DLC1: variants seen among roughly 807,000 people sequenced by gnomAD.
DLC1 encodes rho GTPase-activating protein 7.
Under a neutral mutation model 140.3 loss-of-function variants are expected in DLC1, and 54 were observed. That is an observed-to-expected ratio of 0.38 (90% CI 0.31 to 0.48). The LOEUF (loss-of-function observed/expected upper bound fraction) is 0.48. DLC1 is among the 20% of genes least tolerant of loss of function. The pLI is 0.96. For synonymous variants in DLC1, 986 were observed against 728.1 expected, an observed-to-expected ratio of 1.35 and a Z score of -5.70; for missense variants, 2,536 against 1,907.0, an observed-to-expected ratio of 1.33 and a Z score of -6.14.
At chr8:13,175,469 G>C (rs1002263833) in intron 5 of DLC1, among the ~76,000 whole-genome samples, 1 of 152,046 alleles carries the variant, frequency 6.6e-6, no homozygotes, top group East Asian at 1.9e-4. Context: ...AAACATTGCA[G>C]ATAGATGTTT....
chr8:13,363,376 T>G (rs1046203480), intron 4 of DLC1, among the ~76,000 whole-genome samples: 3 of 151,414 alleles, frequency 2.0e-5, no homozygotes, highest in Admixed American at 6.6e-5. Flanking sequence ...GCAGTGTTTT[T>G]TTTTTTTTTT....
At chr8:13,181,384 C>T (rs551791831) in intron 5 of DLC1, among the ~76,000 whole-genome samples, 24 of 148,030 alleles carry the variant, frequency 1.6e-4, no homozygotes, top group African/African-American at 3.2e-4. Context: ...ATGTGCACAA[C>T]GTGTAGGTTT....
chr8:13,091,771 G>C (rs1199797009), intron 13 of DLC1, among the ~76,000 whole-genome samples: 1 of 152,132 alleles, frequency 6.6e-6, no homozygotes, highest in African/African-American at 2.4e-5. Flanking sequence ...GGAGTCCCAG[G>C]GAGTTGGAGT....
chr8:13,307,571 C>T (rs557720189), intron 4 of DLC1, among the ~76,000 whole-genome samples: 3 of 152,228 alleles, frequency 2.0e-5, no homozygotes, highest in South Asian at 2.1e-4. Context: ...AAAATACATT[C>T]GCTCTTTTGT....
intron 5 of DLC1, among the ~76,000 whole-genome samples, chr8:13,127,771 G>C (rs1821710915): frequency 6.6e-6 from 1 of 152,194 alleles, no homozygotes; most frequent in South Asian, 2.1e-4. Flanking sequence ...AGACTCCTGC[G>C]AGGAGAAGGA....
intron 2 of DLC1, among the ~76,000 whole-genome samples, chr8:13,467,990 A>G (rs930347008): frequency 2.6e-5 from 4 of 152,100 alleles, no homozygotes; most frequent in African/African-American, 7.2e-5. Context: ...TTTTGCACCT[A>G]TGTTTATGAC....
intron 4 of DLC1, among the ~76,000 whole-genome samples, chr8:13,382,623 C>A (rs146342733): frequency 2.6e-5 from 4 of 151,628 alleles, no homozygotes; most frequent in East Asian, 1.9e-4. Flanking sequence ...TTCTTCACAG[C>A]CTTTCTAGAC....
chr8:13,569,807 A>AC (rs1804584029), intron 1 of DLC1, among the ~76,000 whole-genome samples: 1 of 152,194 alleles, frequency 6.6e-6, no homozygotes, highest in Middle Eastern at 3.2e-3. Context: ...CTGCAGCCTC[A>AC]ACCTCTAGGA....
intron 2 of DLC1, among the ~76,000 whole-genome samples, chr8:13,440,851 G>A (rs960204111): frequency 6.6e-6 from 1 of 152,020 alleles, no homozygotes; most frequent in African/African-American, 2.4e-5. Context: ...TTTGCTTCCC[G>A]CCGTGATTCT....
At chr8:13,230,728 C>T (rs530578893) in intron 5 of DLC1, among the ~76,000 whole-genome samples, 1 of 151,696 alleles carries the variant, frequency 6.6e-6, no homozygotes, top group Admixed American at 6.6e-5. Context: ...TCTTGAGTAG[C>T]TGGGATTACA....
chr8:13,449,832 G>C (rs1188741938), intron 2 of DLC1, among the ~76,000 whole-genome samples: 1 of 151,998 alleles, frequency 6.6e-6, no homozygotes, highest in South Asian at 2.1e-4. Flanking sequence ...AAAAAATCCT[G>C]TGTTTCCATT....
At chr8:13,471,125 A>G (rs935883944) in intron 2 of DLC1, among the ~76,000 whole-genome samples, 1 of 151,012 alleles carries the variant, frequency 6.6e-6, no homozygotes, top group Non-Finnish European at 1.5e-5. Flanking sequence ...GGTGGCTAGA[A>G]TGGTAGTTGT....
intron 4 of DLC1, among the ~76,000 whole-genome samples, chr8:13,363,996 A>G (rs1036502471): frequency 3.3e-5 from 5 of 152,114 alleles, no homozygotes; most frequent in African/African-American, 1.2e-4. Context: ...TTTGTTTGTT[A>G]TAACTTGAGT....
intron 5 of DLC1, among the ~76,000 whole-genome samples, chr8:13,175,403 A>G (rs1291586831): frequency 1.3e-5 from 2 of 151,538 alleles, no homozygotes; most frequent in African/African-American, 2.4e-5. Context: ...GTGAAAAATG[A>G]CATTTGTAGT....
intron 4 of DLC1, among the ~76,000 whole-genome samples, chr8:13,374,083 G>A (rs1835851259): frequency 1.3e-5 from 2 of 152,146 alleles, no homozygotes; most frequent in African/African-American, 2.4e-5. Context: ...CTTAGGAAAT[G>A]TGTGGAAATG....
intron 5 of DLC1, among the ~76,000 whole-genome samples, chr8:13,274,308 G>C (rs1273606449): frequency 6.6e-6 from 1 of 152,168 alleles, no homozygotes; most frequent in Non-Finnish European, 1.5e-5. Context: ...AAAGTGTCCA[G>C]GTCCCCCAAA....
chr8:13,420,414 T>G (rs1013761815), intron 2 of DLC1, among the ~76,000 whole-genome samples: 8 of 152,158 alleles, frequency 5.3e-5, no homozygotes, highest in African/African-American at 1.9e-4. Context: ...TTTTTAAACT[T>G]AAGTTCTGGG....
chr8:13,486,354 C>T (rs889365668), intron 2 of DLC1, among the ~76,000 whole-genome samples: 7 of 152,112 alleles, frequency 4.6e-5, no homozygotes, highest in South Asian at 4.2e-4. Flanking sequence ...TTTTTTCCCC[C>T]GCACACAAAG....
At chr8:13,202,569 C>G (rs1346150462) in intron 5 of DLC1, among the ~76,000 whole-genome samples, 1 of 152,138 alleles carries the variant, frequency 6.6e-6, no homozygotes, top group Non-Finnish European at 1.5e-5. Context: ...TGGGCTTTAT[C>G]TTTTCCCTCC....
Sources: gnomAD v4.1 joint callset for allele counts (sites outside exome capture counted in the v4.1 genomes callset) on GRCh38, gnomAD v4.1.1 for gene constraint, MANE v1.5 for transcripts, NCBI Gene and HGNC (gene_info 2026-07-23, HGNC 2026-07-21) for gene names.